Variants in LCN10 observed in about 807,000 individuals in gnomAD.
The protein encoded by LCN10 is lipocalin 10, also known as epididymal-specific lipocalin-10.
A neutral mutation model predicts 25.1 loss-of-function variants in LCN10; 18 were observed. The ratio of observed to expected loss-of-function variants is 0.72; its 90% CI spans 0.50 to 1.06. The LOEUF (loss-of-function observed/expected upper bound fraction) is 1.06. LCN10 is among the 50% of genes least tolerant of loss of function. LCN10 has a pLI of 0.00. For synonymous variants in LCN10, 130 were observed against 116.7 expected, an observed-to-expected ratio of 1.11 and a Z score of -0.73; for missense variants, 257 against 258.9, an observed-to-expected ratio of 0.99 and a Z score of 0.05.
In LCN10 at chr9:136,740,965, G is replaced by A. The variant is rs1399180622; in HGVS notation, c.368-22C>T. ...TTCACTGAAAGAGATGCCCAGAGAT[G>A]CCCGCTGGTTCCCGGATGGCGTGGC... On this transcript the variant is annotated intron_variant, in intron 3 of 5. Coordinates refer to ENST00000497771, the MANE Select transcript of LCN10 (RefSeq NM_001001712.3). The surrounding 1 kb of genome is among the most constrained non-coding windows in gnomAD (Gnocchi z 5.3). 3.1e-6 allele frequency: 5 copies of A among 1,590,904 alleles called. No individual in the cohort carries two copies. The South Asian group carries it at 4.4e-5, about 14-fold the overall frequency.
In LCN10 at chr9:136,740,557, G is replaced by A. The variant is rs1211971436; in HGVS notation, c.475+279C>T. On this transcript the variant is annotated intron_variant, in intron 4 of 5. Transcript: ENST00000497771. The surrounding 1 kb of genome is among the most constrained non-coding windows in gnomAD (Gnocchi z 5.3). ...CCCCACTGTGTCCCTCACCCAGAAC[G>A]TTGCACCTGCACCCGCCACCATCCT... The A allele has an allele frequency of 2.2e-5, 11 of 505,282 alleles. 1 individual carries two copies. Among genetic ancestry groups the A allele is most frequent in the Middle Eastern group, 1.0e-3 (2 of 1,930 alleles). 31.3% of individuals were successfully genotyped at this position (505,282 alleles called of 1,614,324 possible).
In LCN10 at chr9:136,741,941, C is replaced by A; in HGVS notation, c.197G>T (p.Gly66Val). The change falls in exon 2 of 6, where the codon GGG becomes GTG. Residue 66 changes from glycine (G) to valine (V), a missense_variant. Transcript: ENST00000497771. ...TTTGTTCACCTTTACCACGGACGCC[C>A]CCAGCTTCCTCTTGTCCCTGGCCGG... ...FLPARDKRKLGASVVKVNKVG... is the reference protein window; with the variant it reads ...FLPARDKRKLVASVVKVNKVG... The A allele has an allele frequency of 6.2e-7, 1 of 1,611,570 alleles. No homozygotes were observed. Among genetic ancestry groups the A allele is most frequent in the Admixed American group, 1.7e-5 (1 of 59,802 alleles).
intron 3 of LCN10, 78 bp downstream of exon 3, chr9:136,741,174 G>C: frequency 7.7e-7 from 1 of 1,294,214 alleles, no homozygotes; most frequent in South Asian, 1.3e-5. Context: ...TGCTCTCGGG[G>C]ACAAGGGGCC....
At chr9:136,741,183 C>T (rs1846924903) in intron 3 of LCN10, 69 bp downstream of exon 3, 7 of 1,369,278 alleles carry the variant, frequency 5.1e-6, no homozygotes, top group South Asian at 2.4e-5. Flanking sequence ...GGACAAGGGG[C>T]CTGCTCAAGG....
chr9:136,741,938 G>GCC lies in LCN10; in HGVS notation c.198_199dup (p.Ala67GlyfsTer5). ...CACTTTGTTCACCTTTACCACGGAC[G>GCC]CCCCCAGCTTCCTCTTGTCCCTGGC... is the stretch of plus-strand genomic sequence containing the variant. On this transcript the variant is annotated frameshift_variant, in exon 2 of 6. Transcript: ENST00000497771. LOFTEE classifies it high-confidence loss of function. The GCC allele has an allele frequency of 6.2e-7, 1 of 1,611,406 alleles. No homozygotes were observed. Among genetic ancestry groups the GCC allele is most frequent in the Middle Eastern group, 1.7e-4 (1 of 6,058 alleles).
At position 136,742,588 on chromosome 9, in the gene LCN10, C is replaced by T. The variant is rs537766259; in HGVS notation, c.117+199G>A. Reference sequence around the variant, plus strand: ...CTGACCCCCCTGGGCCCCCGAACCCCCTCGAGGCTCCCTGCCTTTGCCCTG... The same window carrying T: ...CTGACCCCCCTGGGCCCCCGAACCCTCTCGAGGCTCCCTGCCTTTGCCCTG... On this transcript the variant is annotated intron_variant, in intron 1 of 5. Coordinates refer to ENST00000497771, the MANE Select transcript of LCN10 (RefSeq NM_001001712.3). The T allele has an allele frequency of 1.9e-3, 1,253 of 644,256 alleles. 3 individuals carry two copies. The highest frequency in any genetic ancestry group is 2.1e-3 in the Non-Finnish European group (809 of 387,202). 39.9% of individuals were successfully genotyped at this position (644,256 alleles called of 1,614,324 possible).
At position 136,739,493 on chromosome 9, in the gene LCN10, C is replaced by T. The variant is rs757921550; in HGVS notation, c.*32G>A. ...GCTCCTCGGGTCTGGGAGGACCACG[C>T]GTCGAAAGGGAAGAGCAGAGGACGC... is the stretch of plus-strand genomic sequence containing the variant. On this transcript the variant is annotated 3_prime_UTR_variant, in exon 6 of 6. Coordinates refer to ENST00000497771, the MANE Select transcript of LCN10 (RefSeq NM_001001712.3). The surrounding 1 kb of genome is among the most constrained non-coding windows in gnomAD (Gnocchi z 6.1). 99 of 1,584,784 alleles carry T rather than the reference C, an allele frequency of 6.2e-5. No homozygotes were observed. The highest frequency in any genetic ancestry group is 2.2e-4 in the Admixed American group (12 of 55,410).
Position 136,740,339 on chromosome 9 carries a change from C to A in LCN10, c.476-291G>T. 1 of 498,332 alleles carries A rather than the reference C, an allele frequency of 2.0e-6. No homozygotes were observed. The highest frequency in any genetic ancestry group is 3.7e-6 in the Non-Finnish European group (1 of 271,908). 30.9% of individuals were successfully genotyped at this position (498,332 alleles called of 1,614,324 possible). On this transcript the variant is annotated intron_variant, in intron 4 of 5. Coordinates refer to ENST00000497771, the MANE Select transcript of LCN10 (RefSeq NM_001001712.3). The surrounding 1 kb of genome is among the most constrained non-coding windows in gnomAD (Gnocchi z 5.3). ...CCCAGCTTGCTGCACCCTGAGCGTGCCCTGCCTCGACTGAGACCCCAGGAC... is the reference window on the plus strand; with the variant it reads ...CCCAGCTTGCTGCACCCTGAGCGTGACCTGCCTCGACTGAGACCCCAGGAC...
chr9:136,741,831 C>G (rs1846942022), intron 2 of LCN10, 50 bp downstream of exon 2: 1 of 1,553,354 alleles, frequency 6.4e-7, no homozygotes, highest in East Asian at 2.4e-5. Context: ...CGAGGCAGCT[C>G]CCTCCTCCTG....
rs139679398 is a variant in LCN10, at chr9:136,740,935, C to A, written c.376G>T (p.Val126Leu). 1.9e-6 allele frequency: 3 copies of A among 1,613,188 alleles called. No individual in the cohort carries two copies. The highest frequency in any genetic ancestry group is 2.5e-6 in the Non-Finnish European group (3 of 1,179,314). ...GTGGACAGCACGTGGAAGGCCTTCA[C>A]CCCTTTCACTGAAAGAGATGCCCAG... ...PREGQEGVKG[V>L]KAFHVLSTDY... The change falls in exon 4 of 6, where the codon GTG becomes TTG. Residue 126 changes from valine to leucine, a missense_variant. Transcript: ENST00000497771. The surrounding 1 kb of genome is among the most constrained non-coding windows in gnomAD (Gnocchi z 5.3).
rs1846909748 is a variant in LCN10 at position 136,740,567 on chromosome 9, C to T, written c.475+269G>A. 2 of 528,902 alleles carry T rather than the reference C, an allele frequency of 3.8e-6. No homozygotes were observed. Among genetic ancestry groups the T allele is most frequent in the African/African-American group, 1.9e-5 (1 of 52,778 alleles). The allele number at this position is 528,902 out of a possible 1,614,324, so 32.8% of individuals were successfully genotyped here. ...TCCCTCACCCAGAACGTTGCACCTG[C>T]ACCCGCCACCATCCTGGTGGCCTCC... On this transcript the variant is annotated intron_variant, in intron 4 of 5. Coordinates refer to ENST00000497771, the MANE Select transcript of LCN10 (RefSeq NM_001001712.3). The surrounding 1 kb of genome is among the most constrained non-coding windows in gnomAD (Gnocchi z 5.3).
At chr9:136,742,513 T>C (rs888718541) in intron 1 of LCN10, 19 of 537,576 alleles carry the variant, frequency 3.5e-5, no homozygotes, top group African/African-American at 3.4e-4. Flanking sequence ...TCTGGGCGTC[T>C]CCCGACCTCC....
intron 2 of LCN10, 37 bp from the exon 3 acceptor site, chr9:136,741,398 G>T: frequency 6.7e-7 from 1 of 1,488,864 alleles, no homozygotes. Context: ...GCAGACCAGG[G>T]AACCCCTCCT....
chr9:136,739,769 G>A lies in LCN10; in HGVS notation c.574+181C>T. On this transcript the variant is annotated intron_variant, in intron 5 of 5. Transcript: ENST00000497771. This position sits in a 1 kb window ranked among gnomAD's most constrained non-coding sequence, Gnocchi z 6.1. ...CGGACGCCTCTCGCTGTCGGTGCCA[G>A]GCCTGCCAGGCCAAGCCCCGATTCT... The A allele has an allele frequency of 4.0e-6, 3 of 747,816 alleles. No individual in the cohort carries two copies. In the South Asian group the frequency reaches 5.0e-5, roughly 12 times the overall value. 46.3% of individuals were successfully genotyped at this position (747,816 alleles called of 1,614,324 possible). A position where few individuals can be genotyped will look rare whatever the true frequency, so the allele number is the denominator to read the frequency against.
chr9:136,742,294 C>T (rs546959406), intron 1 of LCN10: 90 of 484,216 alleles, frequency 1.9e-4, no homozygotes, highest in Admixed American at 7.4e-4. Context: ...TCAGAGGCCC[C>T]GGCTCCTTCC....
At chr9:136,741,811 T>G in intron 2 of LCN10, 70 bp downstream of exon 2, 1 of 1,518,714 alleles carries the variant, frequency 6.6e-7, no homozygotes, top group Non-Finnish European at 8.8e-7. Context: ...CCCAGACTCC[T>G]TTCCAGCCCC....
chr9:136,740,989 G>C lies in LCN10; in HGVS notation c.368-46C>G, dbSNP rs1266377463. 3 of 1,501,868 alleles carry C rather than the reference G, an allele frequency of 2.0e-6. No homozygotes were observed. Among genetic ancestry groups the C allele is most frequent in the Non-Finnish European group, 2.8e-6 (3 of 1,084,142 alleles). The allele number at this position is 1,501,868 out of a possible 1,614,324, so 93.0% of individuals were successfully genotyped here. ...TGCCCGCTGGTTCCCGGATGGCGTG[G>C]CTGTGCCCGCCCACAGCCCTGACCC... On this transcript the variant is annotated intron_variant, in intron 3 of 5. Coordinates refer to ENST00000497771, the MANE Select transcript of LCN10 (RefSeq NM_001001712.3). This position sits in a 1 kb window ranked among gnomAD's most constrained non-coding sequence, Gnocchi z 5.3.
At position 136,740,304 on chromosome 9, in the gene LCN10, TCAGCTGTGCCC is replaced by T; in HGVS notation, c.476-267_476-257del. ...TGCAGAGTCCCCTCCAGCCAGCCCC[TCAGCTGTGCCC>T]CAGCTTGCTGCACCCTGAGCGTGCC... On this transcript the variant is annotated intron_variant, in intron 4 of 5. Coordinates refer to ENST00000497771, the MANE Select transcript of LCN10 (RefSeq NM_001001712.3). This position sits in a 1 kb window ranked among gnomAD's most constrained non-coding sequence, Gnocchi z 5.3. The T allele has an allele frequency of 1.9e-6, 1 of 536,494 alleles. No individual in the cohort carries two copies. Among genetic ancestry groups the T allele is most frequent in the Non-Finnish European group, 3.4e-6 (1 of 295,470 alleles). The allele number at this position is 536,494 out of a possible 1,614,324, so 33.2% of individuals were successfully genotyped here. A position where few individuals can be genotyped will look rare whatever the true frequency, so the allele number is the denominator to read the frequency against.
chr9:136,742,704 G>C (rs1175730068), intron 1 of LCN10, 83 bp downstream of exon 1: 5 of 1,507,508 alleles, frequency 3.3e-6, no homozygotes, highest in Non-Finnish European at 4.5e-6. Flanking sequence ...CCTGCTCCTG[G>C]GCGGCTGCCG....
Sources: allele counts gnomAD v4.1 joint callset, GRCh38; gene constraint gnomAD v4.1.1; non-coding constraint Gnocchi (gnomAD v3.1); transcripts MANE v1.5; gene names NCBI Gene and HGNC (gene_info 2026-07-23, HGNC 2026-07-21).